SLC25A21: variants seen among roughly 807,000 people sequenced by gnomAD.
SLC25A21 encodes mitochondrial 2-oxodicarboxylate carrier.
Under a neutral mutation model 43.8 loss-of-function variants are expected in SLC25A21, and 47 were observed. The observed-to-expected ratio is 1.07, with a 90% CI of 0.85 to 1.37. SLC25A21 has a LOEUF of 1.37. Ranked by LOEUF, SLC25A21 falls within the 40% of genes most tolerant of loss-of-function variation. The pLI, the probability that SLC25A21 is intolerant of heterozygous loss-of-function variation, is 0.00. For synonymous variants in SLC25A21, 131 were observed against 121.3 expected, an observed-to-expected ratio of 1.08 and a Z score of -0.52; for missense variants, 352 against 350.2, an observed-to-expected ratio of 1.00 and a Z score of -0.04.
At chr14:36,904,647 A>G (rs535869107) in intron 1 of SLC25A21, among the ~76,000 whole-genome samples, 2 of 152,334 alleles carry the variant, frequency 1.3e-5, no homozygotes, top group African/African-American at 4.8e-5. Context: ...AAAACTTACA[A>G]TCATGGCAAA....
At chr14:36,703,310 A>C (rs1339819894) in intron 7 of SLC25A21, among the ~76,000 whole-genome samples, 1 of 152,198 alleles carries the variant, frequency 6.6e-6, no homozygotes, top group Non-Finnish European at 1.5e-5. Context: ...TGTAGCTCTC[A>C]ATCATGAAAC....
chr14:36,891,201 G>A (rs1456069926), intron 1 of SLC25A21, among the ~76,000 whole-genome samples: 7 of 152,112 alleles, frequency 4.6e-5, no homozygotes, highest in African/African-American at 1.7e-4. Context: ...ATCTCTTGAT[G>A]GATGAAAATT....
chr14:37,022,366 A>C (rs1566821938), intron 1 of SLC25A21, among the ~76,000 whole-genome samples: 2 of 151,990 alleles, frequency 1.3e-5, no homozygotes, highest in South Asian at 2.1e-4. Context: ...GTTCAAATTA[A>C]GCTGTTACTG....
chr14:37,152,525 G>A lies in SLC25A21; in HGVS notation c.70+19756C>T, dbSNP rs547001329. Among the ~76,000 whole-genome samples, 45 of 151,852 alleles carry A rather than the reference G, an allele frequency of 3.0e-4. No homozygotes were observed. In the East Asian group the frequency reaches 7.6e-3, roughly 26 times the overall value. On this transcript the variant is annotated intron_variant, in intron 1 of 9. Coordinates refer to ENST00000331299, the MANE Select transcript of SLC25A21 (RefSeq NM_030631.4). ...CTCCTGACTAGCTGGGACTACAGGC[G>A]CCTGCCACCATGCCCAGTTAATTTC...
At chr14:36,734,924 C>T (rs1884973842) in intron 3 of SLC25A21, among the ~76,000 whole-genome samples, 2 of 152,100 alleles carry the variant, frequency 1.3e-5, no homozygotes, top group Admixed American at 1.3e-4. Flanking sequence ...GCATTTCCTC[C>T]CTTGTGGCAA....
At chr14:36,764,593 C>A (rs1270664840) in intron 3 of SLC25A21, among the ~76,000 whole-genome samples, 3 of 140,474 alleles carry the variant, frequency 2.1e-5, no homozygotes, top group East Asian at 2.1e-4. Context: ...ACAAAAAAAA[C>A]CATGCATGCA....
At chr14:36,728,814 C>A (rs546078372) in intron 5 of SLC25A21, among the ~76,000 whole-genome samples, 3 of 152,186 alleles carry the variant, frequency 2.0e-5, no homozygotes, top group Non-Finnish European at 4.4e-5. Flanking sequence ...CTTTGCTTTG[C>A]AGACTTGGAA....
intron 1 of SLC25A21, among the ~76,000 whole-genome samples, chr14:37,011,310 T>A (rs1202219883): frequency 6.6e-6 from 1 of 152,176 alleles, no homozygotes; most frequent in Non-Finnish European, 1.5e-5. Flanking sequence ...ACACCTGACC[T>A]AAATTCTAAA....
intron 1 of SLC25A21, among the ~76,000 whole-genome samples, chr14:37,140,639 T>C (rs1290375313): frequency 6.6e-6 from 1 of 152,210 alleles, no homozygotes; most frequent in East Asian, 1.9e-4. Context: ...TTAAATTGTA[T>C]ATGCAGAAAA....
intron 3 of SLC25A21, among the ~76,000 whole-genome samples, chr14:36,748,424 A>G (rs986207685): frequency 1.3e-5 from 2 of 152,218 alleles, no homozygotes; most frequent in Non-Finnish European, 2.9e-5. Context: ...CTAAAACACA[A>G]GTTAAATAAA....
At chr14:36,872,402 T>A (rs1257382445) in intron 2 of SLC25A21, among the ~76,000 whole-genome samples, 1 of 152,194 alleles carries the variant, frequency 6.6e-6, no homozygotes, top group Non-Finnish European at 1.5e-5. Context: ...TCCCTGGGTA[T>A]GAATTTGTTT....
At chr14:37,144,622 AAAC>A (rs1963627881) in intron 1 of SLC25A21, among the ~76,000 whole-genome samples, 1 of 152,220 alleles carries the variant, frequency 6.6e-6, no homozygotes, top group Non-Finnish European at 1.5e-5. Flanking sequence ...TTTGAGCACA[AAAC>A]AAAATTCTAC....
At chr14:36,892,371 C>T (rs183806169) in intron 1 of SLC25A21, among the ~76,000 whole-genome samples, 64 of 152,142 alleles carry the variant, frequency 4.2e-4, no homozygotes, top group African/African-American at 1.5e-3. Flanking sequence ...AATGTGGAAT[C>T]AACCTAAGTG....
intron 3 of SLC25A21, among the ~76,000 whole-genome samples, chr14:36,774,578 C>T (rs77660543): frequency 0.014 from 2,113 of 146,260 alleles, 42 homozygotes; most frequent in African/African-American, 0.051. Context: ...ATTTTAGAGA[C>T]TTTTTTTTTT....
intron 1 of SLC25A21, among the ~76,000 whole-genome samples, chr14:37,118,155 A>G (rs189350778): frequency 3.4e-4 from 52 of 152,238 alleles, no homozygotes; most frequent in Admixed American, 9.8e-4. Flanking sequence ...AGGTCACAAT[A>G]TTTGCAGCTT....
intron 3 of SLC25A21, among the ~76,000 whole-genome samples, chr14:36,805,668 GTTC>G (rs138652077): frequency 0.1 from 15,163 of 152,158 alleles, 1,011 homozygotes; most frequent in Middle Eastern, 0.17. Context: ...GTCACTGCCT[GTTC>G]TTCTTCGGTA....
At chr14:37,042,676 T>A (rs1961500222) in intron 1 of SLC25A21, among the ~76,000 whole-genome samples, 1 of 152,206 alleles carries the variant, frequency 6.6e-6, no homozygotes, top group Non-Finnish European at 1.5e-5. Context: ...TTCAGTGAAC[T>A]TCTAAAAATC....
chr14:36,934,387 T>C (rs529203805), intron 1 of SLC25A21, among the ~76,000 whole-genome samples: 2 of 151,804 alleles, frequency 1.3e-5, no homozygotes, highest in Admixed American at 6.6e-5. Context: ...CACAACTTTC[T>C]AAGCAACACA....
At chr14:36,782,474 C>T (rs934438474) in intron 3 of SLC25A21, among the ~76,000 whole-genome samples, 4 of 151,978 alleles carry the variant, frequency 2.6e-5, no homozygotes, top group African/African-American at 2.4e-5. Context: ...GTGTCATATT[C>T]CCTTGGATTG....
Sources: allele counts gnomAD v4.1 joint callset (sites outside exome capture counted in the v4.1 genomes callset), GRCh38; gene constraint gnomAD v4.1.1; transcripts MANE v1.5; gene names NCBI Gene and HGNC (gene_info 2026-07-23, HGNC 2026-07-21).